Variants in RPS6KA2 observed in about 807,000 individuals in gnomAD.
RPS6KA2 encodes ribosomal protein S6 kinase alpha-2.
In RPS6KA2, 42 loss-of-function variants were observed where a neutral mutation model predicts 91.8. The observed-to-expected ratio is 0.46, with a 90% confidence interval of 0.36 to 0.59. The LOEUF is 0.59. Ranked by LOEUF, RPS6KA2 falls within the 20% of genes least tolerant of loss-of-function variation. The pLI is 0.00. For synonymous variants in RPS6KA2, 414 were observed against 393.6 expected (o/e 1.05, Z -0.61); for missense variants, 798 against 978.5 (o/e 0.82, Z 2.46).
At chr6:166,601,313 T>A (rs1785721681) in intron 1 of RPS6KA2, among the ~76,000 whole-genome samples, 1 of 152,252 alleles carries the variant, frequency 6.6e-6, no homozygotes, top group Non-Finnish European at 1.5e-5. Context: ...GACATAGCAC[T>A]CCATTGGTTA....
At chr6:166,559,531 A>T (rs1784278161) in intron 1 of RPS6KA2, among the ~76,000 whole-genome samples, 1 of 152,204 alleles carries the variant, frequency 6.6e-6, no homozygotes, top group African/African-American at 2.4e-5. Flanking sequence ...ACCATGCTGT[A>T]AATTACTGTA....
rs1216333272 is a variant in RPS6KA2, at chr6:166,767,419, C to A, written c.123+90781G>T. On this transcript the variant is annotated intron_variant, in intron 2 of 21. Transcript: ENST00000503859. This position sits in a 1 kb window ranked among gnomAD's most constrained non-coding sequence, Gnocchi z 4.6. ...GATCAATGCGGTCCAGAGGTGAAAG[C>A]GTGGTTAGAGGAAGACAAAAAGGAC... Among the ~76,000 whole-genome samples, 1 of 151,928 alleles carries A rather than the reference C, an allele frequency of 6.6e-6. No homozygotes were observed. Among genetic ancestry groups the A allele is most frequent in the Non-Finnish European group, 1.5e-5 (1 of 67,920 alleles).
At chr6:166,788,250 G>A (rs986666296) in intron 2 of RPS6KA2, among the ~76,000 whole-genome samples, 5 of 152,256 alleles carry the variant, frequency 3.3e-5, no homozygotes, top group South Asian at 4.1e-4. Flanking sequence ...AGTGTAACTC[G>A]GTTCAACCAT....
chr6:166,858,298 C>T (rs1780962875), intron 1 of RPS6KA2: 3 of 1,260,454 alleles, frequency 2.4e-6, no homozygotes, highest in Non-Finnish European at 3.4e-6. Flanking sequence ...GTTAGCATTG[C>T]CATGTGTTTG....
intron 2 of RPS6KA2, among the ~76,000 whole-genome samples, chr6:166,816,391 C>CA (rs61347721): frequency 0.084 from 10,051 of 120,032 alleles, 504 homozygotes; most frequent in Middle Eastern, 0.15. Context: ...ACTAAAAATA[C>CA]AAAAAAAAAA....
At chr6:166,750,654 T>A (rs1427116717) in intron 2 of RPS6KA2, among the ~76,000 whole-genome samples, 2 of 152,198 alleles carry the variant, frequency 1.3e-5, no homozygotes, top group Non-Finnish European at 2.9e-5. Flanking sequence ...TCCTTGAGCA[T>A]CCCTTGTGCC....
At chr6:166,823,731 G>A (rs1583156006) in intron 2 of RPS6KA2, among the ~76,000 whole-genome samples, 1 of 152,110 alleles carries the variant, frequency 6.6e-6, no homozygotes, top group Non-Finnish European at 1.5e-5. Context: ...CAATGAACAC[G>A]GACAGGCATT....
chr6:166,528,595 C>T (rs550996284), intron 3 of RPS6KA2, among the ~76,000 whole-genome samples: 24,114 of 142,198 alleles, frequency 0.17, 2,324 homozygotes, highest in African/African-American at 0.23. Flanking sequence ...AAAGAGCTTC[C>T]ACACAGCAAA....
chr6:166,437,439 G>A lies in RPS6KA2; in HGVS notation c.1333-4949C>T, dbSNP rs182335287. ...AGGCTGACGCTCAAATAATGCTGACGCGCCACGGAGTAGGAGTGGTGTCGT... is the reference window on the plus strand; with the variant it reads ...AGGCTGACGCTCAAATAATGCTGACACGCCACGGAGTAGGAGTGGTGTCGT... On this transcript the variant is annotated intron_variant, in intron 14 of 20. Transcript: ENST00000265678. The surrounding 1 kb of genome is among the most constrained non-coding windows in gnomAD (Gnocchi z 4.3). Among the ~76,000 whole-genome samples, 9 of 152,320 alleles carry A rather than the reference G, an allele frequency of 5.9e-5. No individual in the cohort carries two copies. The highest frequency in any genetic ancestry group is 2.1e-4 in the South Asian group (1 of 4,830).
intron 2 of RPS6KA2, among the ~76,000 whole-genome samples, chr6:166,856,063 G>T (rs544911820): frequency 6.6e-6 from 1 of 152,324 alleles, no homozygotes; most frequent in South Asian, 2.1e-4. Context: ...GACAACTTGA[G>T]ACTAGGAGCT....
rs767308490 is a variant in RPS6KA2, at chr6:166,697,009, T to G, written c.124-158225A>C. Among the ~76,000 whole-genome samples the G allele has an allele frequency of 2.0e-5, 3 of 152,300 alleles. No homozygotes were observed. The South Asian group carries it at 6.2e-4, about 32-fold the overall frequency. On this transcript the variant is annotated intron_variant, in intron 2 of 21. Coordinates refer to the RPS6KA2 transcript ENST00000503859. ...AGATCTTTGGACTTGTCTGCCTCCA[T>G]AGTTGTACGAACCAATTCCTTACAA...
Position 166,495,298 on chromosome 6 carries a change from G to A in RPS6KA2, c.747+3210C>T, listed in dbSNP as rs368117084. 2.0e-5 allele frequency among the ~76,000 whole-genome samples: 3 copies of A among 151,992 alleles called. No individual in the cohort carries two copies. The highest frequency in any genetic ancestry group is 2.9e-5 in the Non-Finnish European group (2 of 68,034). On this transcript the variant is annotated intron_variant, in intron 8 of 20. Transcript: ENST00000265678. This position sits in a 1 kb window ranked among gnomAD's most constrained non-coding sequence, Gnocchi z 4.4. ...CAACAGCCAGCCCTGCCTCGGGCTCGAGAGTGACACAGCAGTTCTGGAGCC... is the reference window on the plus strand; with the variant it reads ...CAACAGCCAGCCCTGCCTCGGGCTCAAGAGTGACACAGCAGTTCTGGAGCC...
chr6:166,839,684 A>AGGGCAGGGGAGGG lies in RPS6KA2; in HGVS notation c.123+18515_123+18516insCCCTCCCCTGCCC, dbSNP rs1360878613. On this transcript the variant is annotated intron_variant, in intron 2 of 21. Transcript: ENST00000503859. ...AGAGGGAGGTGGAAATCAGAGCAGGAGAGGAGAGGGGAGGAGAGGAGAGGA... is the reference window on the plus strand; with the variant it reads ...AGAGGGAGGTGGAAATCAGAGCAGGAGGGCAGGGGAGGGGAGGAGAGGGGAGGAGAGGAGAGGA... Among the ~76,000 whole-genome samples, 2 of 23,862 alleles carry AGGGCAGGGGAGGG rather than the reference A, an allele frequency of 8.4e-5. 1 individual carries two copies. The highest frequency in any genetic ancestry group is 7.6e-3 in the East Asian group (2 of 264). The allele number at this position is 23,862 out of a possible 152,430, so 15.7% of individuals were successfully genotyped here. A position where few individuals can be genotyped will look rare whatever the true frequency, so the allele number is the denominator to read the frequency against.
intron 2 of RPS6KA2, among the ~76,000 whole-genome samples, chr6:166,649,332 A>T (rs1009378470): frequency 1.3e-5 from 2 of 152,168 alleles, no homozygotes; most frequent in African/African-American, 4.8e-5. Flanking sequence ...CTCATTTCCC[A>T]TTAAGATAAA....
Position 166,701,931 on chromosome 6 carries a change from T to A in RPS6KA2, c.123+156269A>T, listed in dbSNP as rs1034303171. The A allele has an allele frequency of 9.6e-6, 11 of 1,144,460 alleles. No individual in the cohort carries two copies. In the African/African-American group the frequency reaches 1.2e-4, roughly 13 times the overall value. The allele number at this position is 1,144,460 out of a possible 1,614,324, so 70.9% of individuals were successfully genotyped here. On this transcript the variant is annotated intron_variant, in intron 2 of 21. Coordinates refer to the RPS6KA2 transcript ENST00000503859. ...GTGTCTGTGTCTTGCTCAATTTTTT[T>A]AAGATTTCTTCCTTCTTTACCAATA...
At chr6:166,819,207 G>A (rs776488341) in intron 2 of RPS6KA2, among the ~76,000 whole-genome samples, 4 of 152,084 alleles carry the variant, frequency 2.6e-5, no homozygotes, top group Non-Finnish European at 5.9e-5. Context: ...GTTCTCTTCC[G>A]AGGAATTCCA....
At chr6:166,471,381 G>T (rs752833787) in intron 10 of RPS6KA2, among the ~76,000 whole-genome samples, 2 of 152,206 alleles carry the variant, frequency 1.3e-5, no homozygotes, top group Non-Finnish European at 2.9e-5. Context: ...CGGGGGCTGT[G>T]GTGGCCTCAG....
rs771597692 is a variant in RPS6KA2 at position 166,767,280 on chromosome 6, C to T, written c.123+90920G>A. On this transcript the variant is annotated intron_variant, in intron 2 of 21. Coordinates refer to the RPS6KA2 transcript ENST00000503859. This position sits in a 1 kb window ranked among gnomAD's most constrained non-coding sequence, Gnocchi z 4.6. ...ATACAACTGCGACTACCGTCTCACA[C>T]GCTTCAGCTTGCAAGGCAGAGGCAC... Among the ~76,000 whole-genome samples, 14 of 152,204 alleles carry T rather than the reference C, an allele frequency of 9.2e-5. No homozygotes were observed. The highest frequency in any genetic ancestry group is 2.0e-4 in the Admixed American group (3 of 15,288).
intron 3 of RPS6KA2, among the ~76,000 whole-genome samples, chr6:166,512,054 CAGAT>C (rs1216270557): frequency 3.3e-5 from 5 of 152,130 alleles, no homozygotes; most frequent in African/African-American, 1.2e-4. Context: ...TGTCCATCAA[CAGAT>C]GGATGAACAA....
Sources: gnomAD v4.1 joint callset for allele counts (sites outside exome capture counted in the v4.1 genomes callset) on GRCh38, gnomAD v4.1.1 for gene constraint, Gnocchi (gnomAD v3.1) non-coding constraint, MANE v1.5 for transcripts, NCBI Gene and HGNC (gene_info 2026-07-23, HGNC 2026-07-21) for gene names.